The following SPTB variants were observed in gnomAD, a reference collection of about 807,000 sequenced individuals.
SPTB encodes spectrin beta chain, erythrocytic.
A neutral mutation model predicts 256.2 loss-of-function variants in SPTB; 45 were observed. The ratio of observed to expected loss-of-function variants is 0.18; its 90% CI spans 0.14 to 0.23. SPTB has a LOEUF of 0.23. SPTB is among the 10% of genes least tolerant of loss of function. SPTB has a pLI of 1.00. For synonymous variants in SPTB, 1,231 were observed against 1,243.1 expected, an observed-to-expected ratio of 0.99 and a Z score of 0.21; for missense variants, 2,715 against 3,040.4, an observed-to-expected ratio of 0.89 and a Z score of 2.52.
At chr14:64,751,937 A>AAAAAAAAAAAAAAAAC (rs2081956632) in intron 33 of SPTB, among the ~76,000 whole-genome samples, 1 of 145,704 alleles carries the variant, frequency 6.9e-6, no homozygotes, top group Non-Finnish European at 1.5e-5. Flanking sequence ...CAAAAAAAAA[A>AAAAAAAAAAAAAAAAC]AAAAAAATTA....
rs1185934444 is a variant in SPTB, at chr14:64,844,161, G to C, written c.-51-21016C>G. ...TCTTCACGAAGAATGTGATGGCCAT[G>C]ATCTCCAAGAGTGCTTAGCAGGAGT... On this transcript the variant is annotated intron_variant, in intron 1 of 35. Coordinates refer to ENST00000644917, the MANE Select transcript of SPTB (RefSeq NM_001355436.2). The surrounding 1 kb of genome is among the most constrained non-coding windows in gnomAD (Gnocchi z 4.1). Among the ~76,000 whole-genome samples the C allele has an allele frequency of 1.3e-5, 2 of 152,046 alleles. No individual in the cohort carries two copies. The highest frequency in any genetic ancestry group is 2.9e-5 in the Non-Finnish European group (2 of 68,004).
At chr14:64,812,343 G>A (rs1367791989) in intron 2 of SPTB, among the ~76,000 whole-genome samples, 1 of 152,076 alleles carries the variant, frequency 6.6e-6, no homozygotes, top group Non-Finnish European at 1.5e-5. Flanking sequence ...TTTTCACCAG[G>A]CCAAAATCAT....
chr14:64,751,887 G>C (rs956378700), intron 33 of SPTB, among the ~76,000 whole-genome samples: 3 of 143,450 alleles, frequency 2.1e-5, no homozygotes, highest in Admixed American at 1.4e-4. Flanking sequence ...TTCGAGACCA[G>C]CCTGACCAAC....
At chr14:64,788,733 C>T (rs1247737982) in intron 15 of SPTB, among the ~76,000 whole-genome samples, 5 of 152,182 alleles carry the variant, frequency 3.3e-5, no homozygotes, top group Non-Finnish European at 5.9e-5. Flanking sequence ...TGCACTGGAG[C>T]TTGGGTCTAG....
Position 64,827,462 on chromosome 14 carries a change from G to A in SPTB, c.-51-4317C>T, listed in dbSNP as rs964929144. On this transcript the variant is annotated intron_variant, in intron 1 of 35. Transcript: ENST00000644917. The surrounding 1 kb of genome is among the most constrained non-coding windows in gnomAD (Gnocchi z 4.6). Reference sequence around the variant, plus strand: ...GACCCCCTCACCTGTTTTCTAGTTTGTCCTGCCCCTTTATGCTACCTCAAA... The same window carrying A: ...GACCCCCTCACCTGTTTTCTAGTTTATCCTGCCCCTTTATGCTACCTCAAA... Among the ~76,000 whole-genome samples the A allele has an allele frequency of 1.3e-5, 2 of 152,106 alleles. No homozygotes were observed. Among genetic ancestry groups the A allele is most frequent in the African/African-American group, 2.4e-5 (1 of 41,436 alleles).
rs948316154 is a variant in SPTB, at chr14:64,792,246, A to G, written c.2667-390T>C. ...CTGTTGCTTTTGGACTCTGAGTCCA[A>G]TGCCTTGACATCTTAACCCAAAAGA... is the stretch of plus-strand genomic sequence containing the variant. On this transcript the variant is annotated intron_variant, in intron 14 of 35. Coordinates refer to ENST00000644917, the MANE Select transcript of SPTB (RefSeq NM_001355436.2). This position sits in a 1 kb window ranked among gnomAD's most constrained non-coding sequence, Gnocchi z 4.2. Among the ~76,000 whole-genome samples, 2 of 152,188 alleles carry G rather than the reference A, an allele frequency of 1.3e-5. No individual in the cohort carries two copies. Among genetic ancestry groups the G allele is most frequent in the African/African-American group, 4.8e-5 (2 of 41,438 alleles).
Position 64,827,930 on chromosome 14 carries a change from T to C in SPTB, c.-51-4785A>G, listed in dbSNP as rs1437666386. Among the ~76,000 whole-genome samples the C allele has an allele frequency of 8.5e-5, 13 of 152,136 alleles. No homozygotes were observed. Among genetic ancestry groups the C allele is most frequent in the Non-Finnish European group, 1.9e-4 (13 of 68,026 alleles). ...CCCAGATAAGCATGCCACCTATGGG[T>C]GACCTTTCCAGTCGATGGACACCAC... On this transcript the variant is annotated intron_variant, in intron 1 of 35. Coordinates refer to ENST00000644917, the MANE Select transcript of SPTB (RefSeq NM_001355436.2). The surrounding 1 kb of genome is among the most constrained non-coding windows in gnomAD (Gnocchi z 4.6).
At chr14:64,769,876 C>A in intron 27 of SPTB, 148 bp from the exon 28 acceptor site, 2 of 998,870 alleles carry the variant, frequency 2.0e-6, no homozygotes, top group Non-Finnish European at 3.1e-6. Flanking sequence ...GGGTCCTCCG[C>A]CAGCCCAGCC....
Position 64,766,810 on chromosome 14 carries a change from G to C in SPTB, c.6270-9C>G. The C allele has an allele frequency of 1.2e-6, 2 of 1,610,358 alleles. No homozygotes were observed. Among genetic ancestry groups the C allele is most frequent in the South Asian group, 2.2e-5 (2 of 91,082 alleles). On this transcript the variant is annotated splice_polypyrimidine_tract_variant and intron_variant, in intron 31 of 35. Transcript: ENST00000644917. ...CTTCCTCCTCTTGAGGCCTAAGGAAGACACAGTCTCTCTTTAGAAACAAGC... is the reference window on the plus strand; with the variant it reads ...CTTCCTCCTCTTGAGGCCTAAGGAACACACAGTCTCTCTTTAGAAACAAGC...
chr14:64,750,700 C>T (rs750227509), intron 33 of SPTB, among the ~76,000 whole-genome samples: 9 of 151,562 alleles, frequency 5.9e-5, no homozygotes, highest in South Asian at 2.1e-4. Context: ...CGCTTGAACC[C>T]GGGAGGCGAA....
intron 9 of SPTB, among the ~76,000 whole-genome samples, chr14:64,798,516 C>A (rs901132181): frequency 6.6e-6 from 1 of 152,194 alleles, no homozygotes; most frequent in Admixed American, 6.5e-5. Flanking sequence ...ACCTAAGTGT[C>A]CACCCATTTC....
In SPTB at chr14:64,816,220, T is replaced by G. The variant is rs888523087; in HGVS notation, c.148+6727A>C. On this transcript the variant is annotated intron_variant, in intron 2 of 35. Transcript: ENST00000644917. The surrounding 1 kb of genome is among the most constrained non-coding windows in gnomAD (Gnocchi z 4.2). ...TGCAGCCCACAGCTAATGCTCCCTC[T>G]CTCGGACCCTTCAACCCTGCCACTG... 8.5e-5 allele frequency among the ~76,000 whole-genome samples: 13 copies of G among 152,220 alleles called. No homozygotes were observed. The East Asian group carries it at 2.5e-3, about 29-fold the overall frequency.
chr14:64,835,305 G>C (rs2083507472), intron 1 of SPTB, among the ~76,000 whole-genome samples: 1 of 152,198 alleles, frequency 6.6e-6, no homozygotes, highest in South Asian at 2.1e-4. Flanking sequence ...CTGGAGTTCA[G>C]TGGTGCAATC....
At chr14:64,867,438 C>A (rs571659955) in intron 1 of SPTB, among the ~76,000 whole-genome samples, 1 of 152,080 alleles carries the variant, frequency 6.6e-6, no homozygotes, top group Non-Finnish European at 1.5e-5. Flanking sequence ...CAGGCTACAG[C>A]GTGGACAGCA....
chr14:64,868,990 C>A (rs1406809204), intron 1 of SPTB, among the ~76,000 whole-genome samples: 5 of 151,344 alleles, frequency 3.3e-5, no homozygotes, highest in Admixed American at 1.3e-4. Flanking sequence ...CAACTAATTA[C>A]CTCTGTAATT....
Position 64,825,817 on chromosome 14 carries a change from T to C in SPTB, c.-51-2672A>G, listed in dbSNP as rs946445638. ...GGCCCAGCGTTCAAGACAAGATTGA[T>C]GGCCCCGGGTGCAGAAGAGCAGCGG... On this transcript the variant is annotated intron_variant, in intron 1 of 35. Transcript: ENST00000644917. The surrounding 1 kb of genome is among the most constrained non-coding windows in gnomAD (Gnocchi z 4.8). 6.6e-5 allele frequency among the ~76,000 whole-genome samples: 10 copies of C among 152,202 alleles called. No homozygotes were observed. Among genetic ancestry groups the C allele is most frequent in the African/African-American group, 1.9e-4 (8 of 41,444 alleles).
chr14:64,788,085 A>T (rs1487786899), intron 15 of SPTB, among the ~76,000 whole-genome samples: 1 of 152,246 alleles, frequency 6.6e-6, no homozygotes, highest in African/African-American at 2.4e-5. Flanking sequence ...GCTCACAAAT[A>T]ACATAGCATA....
intron 1 of SPTB, among the ~76,000 whole-genome samples, chr14:64,865,109 C>T (rs985298781): frequency 2.6e-5 from 4 of 152,086 alleles, no homozygotes; most frequent in African/African-American, 9.6e-5. Context: ...AGAGAAAGGA[C>T]AATGTATACA....
At chr14:64,805,696 T>C (rs1352543019) in intron 2 of SPTB, among the ~76,000 whole-genome samples, 1 of 152,170 alleles carries the variant, frequency 6.6e-6, no homozygotes, top group Non-Finnish European at 1.5e-5. Flanking sequence ...CATAGCTGTA[T>C]TGTGGCTGTC....
Sources: allele counts gnomAD v4.1 joint callset (sites outside exome capture counted in the v4.1 genomes callset), GRCh38; gene constraint gnomAD v4.1.1; non-coding constraint Gnocchi (gnomAD v3.1); transcripts MANE v1.5; gene names NCBI Gene and HGNC (gene_info 2026-07-23, HGNC 2026-07-21).